The following PTPRG variants were observed in gnomAD, a reference collection of about 807,000 sequenced individuals.
PTPRG encodes the protein protein tyrosine phosphatase receptor type G.
A neutral mutation model predicts 165.3 loss-of-function variants in PTPRG; 102 were observed. The observed-to-expected ratio is 0.62, with a 90% confidence interval of 0.53 to 0.73. The LOEUF is 0.73. PTPRG is among the 30% of genes least tolerant of loss of function. PTPRG has a pLI of 0.00. For synonymous variants in PTPRG, 675 were observed against 669.5 expected, an observed-to-expected ratio of 1.01 and a Z score of -0.13; for missense variants, 1,866 against 1,861.4, an observed-to-expected ratio of 1.00 and a Z score of -0.05.
intron 5 of PTPRG, among the ~76,000 whole-genome samples, chr3:62,078,643 C>T (rs1184547987): frequency 3.3e-5 from 5 of 152,098 alleles, no homozygotes; most frequent in East Asian, 1.9e-4. Context: ...TAATAAATAG[C>T]ATCCGTCACT....
intron 4 of PTPRG, among the ~76,000 whole-genome samples, chr3:62,011,067 TC>T (rs1450046862): frequency 6.6e-6 from 1 of 152,136 alleles, no homozygotes; most frequent in African/African-American, 2.4e-5. Context: ...CTGGCTTGTA[TC>T]TAAAAAACTG....
At chr3:61,765,397 A>G (rs988230946) in intron 2 of PTPRG, among the ~76,000 whole-genome samples, 1 of 152,008 alleles carries the variant, frequency 6.6e-6, no homozygotes, top group African/African-American at 2.4e-5. Flanking sequence ...TTATTGTTTT[A>G]TTTTTGAGGT....
rs553461952 is a variant in PTPRG, at chr3:61,963,849, T to C, written c.191-25776T>C. Among the ~76,000 whole-genome samples, 179 of 152,184 alleles carry C rather than the reference T, an allele frequency of 1.2e-3. 1 individual carries two copies. Among genetic ancestry groups the C allele is most frequent in the African/African-American group, 4.0e-3 (166 of 41,542 alleles). ...AATGGAAATACTAAAGGAATGCTTG[T>C]TGAAAATATGTGCAATATATATTTT... On this transcript the variant is annotated intron_variant, in intron 2 of 29. Transcript: ENST00000474889.
intron 13 of PTPRG, among the ~76,000 whole-genome samples, chr3:62,221,530 T>C (rs923903608): frequency 1.3e-5 from 2 of 152,074 alleles, no homozygotes; most frequent in Non-Finnish European, 1.5e-5. Flanking sequence ...ACATAGAAAA[T>C]TGGTAAATAC....
intron 1 of PTPRG, among the ~76,000 whole-genome samples, chr3:61,576,262 C>T (rs1700170905): frequency 6.6e-6 from 1 of 152,104 alleles, no homozygotes; most frequent in Non-Finnish European, 1.5e-5. Flanking sequence ...CTATATCTCC[C>T]ACCTTGAAGA....
At chr3:61,700,398 G>C (rs1315832924) in intron 1 of PTPRG, among the ~76,000 whole-genome samples, 1 of 152,190 alleles carries the variant, frequency 6.6e-6, no homozygotes, top group African/African-American at 2.4e-5. Flanking sequence ...GTCCTGACTA[G>C]ATAGAAATGA....
At chr3:62,266,625 C>G (rs1055354931) in intron 17 of PTPRG, among the ~76,000 whole-genome samples, 2 of 151,786 alleles carry the variant, frequency 1.3e-5, no homozygotes, top group African/African-American at 4.8e-5. Context: ...TTGGTATATT[C>G]TGAGGTCAGT....
At chr3:62,010,845 A>G (rs138823568) in intron 4 of PTPRG, among the ~76,000 whole-genome samples, 2,193 of 152,214 alleles carry the variant, frequency 0.014, 47 homozygotes, top group African/African-American at 0.05. Flanking sequence ...TGTGTACTTT[A>G]TGTCAGTTCC....
chr3:61,769,611 G>T lies in PTPRG; in HGVS notation c.190+20629G>T, dbSNP rs145861035. 4.6e-5 allele frequency: 7 copies of T among 152,212 alleles called. No individual in the cohort carries two copies. In the East Asian group the frequency reaches 1.2e-3, roughly 25 times the overall value. 9.4% of individuals were successfully genotyped at this position (152,212 alleles called of 1,614,324 possible). ...TTGGTGAAAGGATTAAACCCCCCAA[G>T]AACTGAATTTTCAGTAATAAGGAAT... On this transcript the variant is annotated intron_variant, in intron 2 of 29. Coordinates refer to ENST00000474889, the MANE Select transcript of PTPRG (RefSeq NM_002841.4).
chr3:61,725,077 C>T (rs1204721653), intron 1 of PTPRG, among the ~76,000 whole-genome samples: 1 of 152,150 alleles, frequency 6.6e-6, no homozygotes, highest in African/African-American at 2.4e-5. Context: ...ATTTTCTCTT[C>T]TCCTTTTTTA....
rs564368229 is a variant in PTPRG, at chr3:61,817,153, A to G, written c.190+68171A>G. Among the ~76,000 whole-genome samples the G allele has an allele frequency of 3.7e-4, 43 of 117,434 alleles. No homozygotes were observed. The South Asian group carries it at 0.01, about 28-fold the overall frequency. 77.0% of individuals were successfully genotyped at this position (117,434 alleles called of 152,430 possible). A position where few individuals can be genotyped will look rare whatever the true frequency, so the allele number is the denominator to read the frequency against. ...CACATAATACATATATTACATATATATAATATATAATATATAATAATATAT... is the reference window on the plus strand; with the variant it reads ...CACATAATACATATATTACATATATGTAATATATAATATATAATAATATAT... On this transcript the variant is annotated intron_variant, in intron 2 of 29. Coordinates refer to ENST00000474889, the MANE Select transcript of PTPRG (RefSeq NM_002841.4).
intron 2 of PTPRG, among the ~76,000 whole-genome samples, chr3:61,861,373 C>T (rs1206971237): frequency 2.6e-5 from 4 of 152,092 alleles, no homozygotes; most frequent in African/African-American, 9.7e-5. Context: ...AAAACAAAAT[C>T]CCACGAAGGC....
chr3:61,991,299 A>C (rs549548267), intron 3 of PTPRG, among the ~76,000 whole-genome samples: 11 of 152,114 alleles, frequency 7.2e-5, no homozygotes, highest in Non-Finnish European at 1.5e-4. Context: ...TCCACCTCCT[A>C]GGTTCAAGCG....
At chr3:61,898,966 C>T (rs752808737) in intron 2 of PTPRG, among the ~76,000 whole-genome samples, 9 of 151,954 alleles carry the variant, frequency 5.9e-5, no homozygotes, top group African/African-American at 9.7e-5. Flanking sequence ...TGGAGTGCGG[C>T]GGCGCCATCA....
intron 1 of PTPRG, among the ~76,000 whole-genome samples, chr3:61,689,647 A>G (rs1253721010): frequency 6.6e-6 from 1 of 152,232 alleles, no homozygotes; most frequent in African/African-American, 2.4e-5. Flanking sequence ...GAATTGCATC[A>G]GATCTTTTTC....
At chr3:61,829,902 T>C (rs2036224785) in intron 2 of PTPRG, among the ~76,000 whole-genome samples, 2 of 152,210 alleles carry the variant, frequency 1.3e-5, no homozygotes, top group African/African-American at 2.4e-5. Context: ...TGTGATCTGG[T>C]TGGGACTGTT....
At chr3:61,898,261 C>T (rs2038413211) in intron 2 of PTPRG, among the ~76,000 whole-genome samples, 1 of 152,172 alleles carries the variant, frequency 6.6e-6, no homozygotes. Context: ...CACTATATTG[C>T]CCAGGCTGGT....
intron 5 of PTPRG, among the ~76,000 whole-genome samples, chr3:62,108,396 A>G (rs1219685768): frequency 3.3e-5 from 5 of 152,220 alleles, no homozygotes; most frequent in South Asian, 2.1e-4. Context: ...ATGGCTGCAT[A>G]GTATTCCATG....
chr3:61,943,754 C>T (rs1284150262), intron 2 of PTPRG, among the ~76,000 whole-genome samples: 2 of 152,102 alleles, frequency 1.3e-5, no homozygotes, highest in African/African-American at 2.4e-5. Flanking sequence ...ATTTCTTATA[C>T]GAGTCACTTA....
Sources: allele counts gnomAD v4.1 joint callset (sites outside exome capture counted in the v4.1 genomes callset), GRCh38; gene constraint gnomAD v4.1.1; transcripts MANE v1.5; gene names NCBI Gene and HGNC (gene_info 2026-07-23, HGNC 2026-07-21).